Variants in POMT1 observed in about 807,000 individuals in gnomAD.
POMT1 encodes the protein protein O-mannosyl-transferase 1.
In POMT1, 85 loss-of-function variants were observed where a neutral mutation model predicts 101.6. That is an observed-to-expected ratio of 0.84 (90% CI 0.70 to 1.00). The LOEUF (loss-of-function observed/expected upper bound fraction) is 1.00, where lower values mean the gene tolerates loss of function less well. Ranked by LOEUF, POMT1 falls within the 50% of genes least tolerant of loss-of-function variation. The pLI is 0.00. For synonymous variants in POMT1, 371 were observed against 383.0 expected (o/e 0.97, Z 0.37); for missense variants, 857 against 930.4 (o/e 0.92, Z 1.03).
In POMT1 at chr9:131,510,256, G is replaced by A. The variant is rs1021095964; in HGVS notation, c.700-4G>A. 6.2e-7 allele frequency: 1 copy of A among 1,614,200 alleles called. No individual in the cohort carries two copies. Among genetic ancestry groups the A allele is most frequent in the Non-Finnish European group, 8.5e-7 (1 of 1,180,034 alleles). ...AACATGACTTTTCTTTGAATCTCTG[G>A]CAGGTCTGTGTGTTCTGTCACTTGC... On this transcript the variant is annotated splice_region_variant and splice_polypyrimidine_tract_variant and intron_variant, in intron 8 of 19. Transcript: ENST00000402686.
intron 5 of POMT1, among the ~76,000 whole-genome samples, chr9:131,507,824 TGTTCC>T (rs1320260073): frequency 6.6e-6 from 1 of 152,216 alleles, no homozygotes; most frequent in Non-Finnish European, 1.5e-5. Flanking sequence ...AACTTCCCCT[TGTTCC>T]ACCACCTCCC....
At position 131,522,995 on chromosome 9, in the gene POMT1, C is replaced by A. The variant is rs141895982; in HGVS notation, c.2067C>A (p.His689Gln). ...TGGCCTGGTACTCCTCCGCGTGCCACGTGTCCAACACGCTGCGCCCACTCA... is the reference window on the plus strand; with the variant it reads ...TGGCCTGGTACTCCTCCGCGTGCCAAGTGTCCAACACGCTGCGCCCACTCA... ...LVVAWYSSAC[H>Q]VSNTLRPLTY... Residue 689 changes from histidine to glutamine, a missense_variant, in exon 20 of 20, where the codon CAC (histidine) becomes CAA (glutamine). Physicochemically the swap from His to Gln is conservative, Grantham distance 24. Coordinates refer to ENST00000402686, the MANE Select transcript of POMT1 (RefSeq NM_001077365.2). The surrounding 1 kb of genome is among the most constrained non-coding windows in gnomAD (Gnocchi z 5.5). 3.7e-6 allele frequency: 6 copies of A among 1,608,196 alleles called. No homozygotes were observed. The African/African-American group carries it at 5.3e-5, about 14-fold the overall frequency.
chr9:131,506,606 A>T, intron 4 of POMT1, 153 bp downstream of exon 4: 1 of 756,770 alleles, frequency 1.3e-6, no homozygotes, highest in East Asian at 2.5e-5. Flanking sequence ...AGAAAATAAT[A>T]AATTGGTTGG....
At chr9:131,510,051 A>AT in intron 8 of POMT1, 55 bp downstream of exon 8, 1 of 1,614,036 alleles carries the variant, frequency 6.2e-7, no homozygotes, top group South Asian at 1.1e-5. Context: ...GCAGATGCAG[A>AT]TGTCACAGGG....
At chr9:131,513,176 G>C in intron 11 of POMT1, 63 bp from the exon 12 acceptor site, 2 of 1,384,406 alleles carry the variant, frequency 1.4e-6, no homozygotes, top group Non-Finnish European at 1.0e-6. Context: ...GTGCCCCTCC[G>C]GTGCAGCTGT....
In POMT1 at chr9:131,509,927, G is replaced by A. The variant is rs553160213; in HGVS notation, c.630G>A (p.Thr210=). ...GCATCAAGTACATGGGTGTGTTCAC[G>A]TACGTGCTCGTGCTGGGTGTTGCAG... is the stretch of plus-strand genomic sequence containing the variant. The part of the protein sequence containing the change: ...AVGIKYMGVF[T]YVLVLGVAAV... The change falls in exon 8 of 20, where the codon ACG becomes ACA. Residue 210 remains threonine (T), a synonymous_variant. Coordinates refer to ENST00000402686, the MANE Select transcript of POMT1 (RefSeq NM_001077365.2). 49 of 1,614,186 alleles carry A rather than the reference G, an allele frequency of 3.0e-5. No homozygotes were observed. In the Admixed American group the frequency reaches 4.0e-4, roughly 13 times the overall value.
chr9:131,514,295 C>T (rs939335633), intron 12 of POMT1, among the ~76,000 whole-genome samples: 1 of 152,214 alleles, frequency 6.6e-6, no homozygotes, highest in Non-Finnish European at 1.5e-5. Context: ...CCCTGGTGAC[C>T]CTGACACACT....
Position 131,510,317 on chromosome 9 carries a change from G to A in POMT1, c.757G>A (p.Val253Ile), listed in dbSNP as rs772590277. ...RAVALLVIPV[V>I]LYLLFFYVHL... ...AGTGGCTTTGCTGGTCATCCCGGTC[G>A]TCCTGTACTTACTGTTCTTCTACGT... Residue 253 changes from valine to isoleucine, a missense_variant, in exon 9 of 20, where the codon GTC becomes ATC. Physicochemically the swap from Val to Ile is conservative, Grantham distance 29. Coordinates refer to ENST00000402686, the MANE Select transcript of POMT1 (RefSeq NM_001077365.2). 122 of 1,614,188 alleles carry A rather than the reference G, an allele frequency of 7.6e-5. No individual in the cohort carries two copies. In the East Asian group the frequency reaches 1.5e-3, roughly 20 times the overall value.
chr9:131,507,042 G>T (rs572642280), intron 4 of POMT1, among the ~76,000 whole-genome samples: 22 of 151,748 alleles, frequency 1.4e-4, no homozygotes, highest in Admixed American at 3.9e-4. Flanking sequence ...ACTCCGGCCT[G>T]GGGGACAGAG....
intron 17 of POMT1, among the ~76,000 whole-genome samples, chr9:131,520,886 A>G (rs1949790877): frequency 1.3e-5 from 2 of 152,242 alleles, no homozygotes; most frequent in Admixed American, 6.5e-5. Context: ...TCTGTCATCC[A>G]GGCTGGAGTA....
At position 131,503,416 on chromosome 9, in the gene POMT1, G is replaced by T; in HGVS notation, c.-31+343G>T. 1 of 154,482 alleles carries T rather than the reference G, an allele frequency of 6.5e-6. No individual in the cohort carries two copies. The allele number at this position is 154,482 out of a possible 1,614,324, so 9.6% of individuals were successfully genotyped here. The stretch of plus-strand genomic sequence containing the variant: ...GGCCAGGGAGATGCGGTCTGCAAGG[G>T]GAGAGGAGGCACTCCCAGGACAGAT... On this transcript the variant is annotated intron_variant, in intron 1 of 19. Transcript: ENST00000402686. This position sits in a 1 kb window ranked among gnomAD's most constrained non-coding sequence, Gnocchi z 4.4.
Position 131,521,405 on chromosome 9 carries a change from C to T in POMT1, c.1758C>T (p.Ala586=), listed in dbSNP as rs373374873. 22 of 1,614,058 alleles carry T rather than the reference C, an allele frequency of 1.4e-5. No homozygotes were observed. The highest frequency in any genetic ancestry group is 8.9e-5 in the East Asian group (4 of 44,896). ...GGGTTTCGGGCAGCCTCGCTCTGGC[C>T]ATCTACGCCCTGCTGTCCTTGTGGT... is the stretch of plus-strand genomic sequence containing the variant. ...VIWVSGSLAL[A]IYALLSLWYL... Residue 586 remains alanine (A), a synonymous_variant, in exon 18 of 20, where the codon GCC becomes GCT. Transcript: ENST00000402686.
At position 131,521,497 on chromosome 9, in the gene POMT1, T is replaced by G. The variant is rs75539982; in HGVS notation, c.1825+25T>G. The G allele has an allele frequency of 1.2e-3, 1,942 of 1,611,412 alleles. 6 individuals are homozygous for G. Among genetic ancestry groups the G allele is most frequent in the African/African-American group, 0.011 (804 of 74,954 alleles). On this transcript the variant is annotated intron_variant, in intron 18 of 19. Coordinates refer to ENST00000402686, the MANE Select transcript of POMT1 (RefSeq NM_001077365.2). ...GGTTAGTACCTCTCCCACATGGCTT[T>G]CTTTCTTTTTAATATAGACATGGGG... is the stretch of plus-strand genomic sequence containing the variant.
At chr9:131,510,992 T>A in intron 9 of POMT1, 2 of 289,360 alleles carry the variant, frequency 6.9e-6, no homozygotes, top group Admixed American at 4.8e-5. Flanking sequence ...TGTAGTGCTG[T>A]GTGTTTCAGC....
At position 131,519,908 on chromosome 9, in the gene POMT1, ATTCAGGGC is replaced by A. The variant is rs1198805865; in HGVS notation, c.1585-170_1585-163del. Reference sequence around the variant, plus strand: ...GGTGGGGCGACCCTCCCAAGGCCACATTCAGGGCTGGAATCCAGGTTCTCATCATGCTG... The same window carrying A: ...GGTGGGGCGACCCTCCCAAGGCCACATGGAATCCAGGTTCTCATCATGCTG... On this transcript the variant is annotated intron_variant, in intron 16 of 19. Coordinates refer to ENST00000402686, the MANE Select transcript of POMT1 (RefSeq NM_001077365.2). The surrounding 1 kb of genome is among the most constrained non-coding windows in gnomAD (Gnocchi z 4.3). 6.6e-6 allele frequency among the ~76,000 whole-genome samples: 1 copy of A among 152,196 alleles called. No homozygotes were observed. Among genetic ancestry groups the A allele is most frequent in the Non-Finnish European group, 1.5e-5 (1 of 68,032 alleles).
In POMT1 at chr9:131,521,505, T is replaced by TC. The variant is rs776485621; in HGVS notation, c.1825+33_1825+34insC. The TC allele has an allele frequency of 2.5e-6, 4 of 1,607,732 alleles. No homozygotes were observed. In the African/African-American group the frequency reaches 5.3e-5, roughly 22 times the overall value. On this transcript the variant is annotated intron_variant, in intron 18 of 19. Transcript: ENST00000402686. ...CCTCTCCCACATGGCTTTCTTTCTT[T>TC]TTAATATAGACATGGGGTCTTGCTG...
At position 131,510,126 on chromosome 9, in the gene POMT1, C is replaced by T. The variant is rs1171555517; in HGVS notation, c.699+130C>T. 19 of 1,611,550 alleles carry T rather than the reference C, an allele frequency of 1.2e-5. No homozygotes were observed. In the East Asian group the frequency reaches 3.8e-4, roughly 32 times the overall value. ...AGCAGGCAGGCCTGGGCAGCCTCGC[C>T]TCTTGGCCTCTGCAGGTGCCTCTGT... On this transcript the variant is annotated intron_variant, in intron 8 of 19. Transcript: ENST00000402686.
Position 131,507,360 on chromosome 9 carries a change from T to C in POMT1, c.281-8T>C. On this transcript the variant is annotated splice_polypyrimidine_tract_variant and splice_region_variant and intron_variant, in intron 4 of 19. Transcript: ENST00000402686. The stretch of plus-strand genomic sequence containing the variant: ...GTAGTCAGCTCTGCAGTGTGGTTGC[T>C]TTTCCAGAATACAGTAGCAACGTGC... 6.2e-7 allele frequency: 1 copy of C among 1,614,086 alleles called. No homozygotes were observed. Among genetic ancestry groups the C allele is most frequent in the South Asian group, 1.1e-5 (1 of 91,082 alleles).
In POMT1 at chr9:131,521,335, T is replaced by A; in HGVS notation, c.1699-11T>A. On this transcript the variant is annotated splice_polypyrimidine_tract_variant and intron_variant, in intron 17 of 19. Coordinates refer to ENST00000402686, the MANE Select transcript of POMT1 (RefSeq NM_001077365.2). Reference sequence around the variant, plus strand: ...GGCAGGTGGCTAACAGCATCTCCCATGTTCCCTTAGGCTCAGATCCACCTA... The same window carrying A: ...GGCAGGTGGCTAACAGCATCTCCCAAGTTCCCTTAGGCTCAGATCCACCTA... The A allele has an allele frequency of 6.2e-7, 1 of 1,614,060 alleles. No individual in the cohort carries two copies. Among genetic ancestry groups the A allele is most frequent in the Non-Finnish European group, 8.5e-7 (1 of 1,179,946 alleles).
Sources: gnomAD v4.1 joint callset for allele counts (sites outside exome capture counted in the v4.1 genomes callset) on GRCh38, gnomAD v4.1.1 for gene constraint, Gnocchi (gnomAD v3.1) non-coding constraint, MANE v1.5 for transcripts, NCBI Gene and HGNC (gene_info 2026-07-23, HGNC 2026-07-21) for gene names.